GRID1: variants seen among roughly 807,000 people sequenced by gnomAD.
GRID1 encodes the protein glutamate ionotropic receptor delta type subunit 1.
GRID1 carries 28 observed loss-of-function variants against 98.0 expected under a neutral mutation model. That is an observed-to-expected ratio of 0.29 (90% CI 0.21 to 0.39). GRID1 has a LOEUF of 0.39. Among genes scored for constraint, GRID1 ranks in the 10% least tolerant of loss-of-function variants. The pLI is 1.00. For synonymous variants in GRID1, 553 were observed against 538.5 expected (o/e 1.03, Z -0.37); for missense variants, 1,111 against 1,340.5 (o/e 0.83, Z 2.67).
chr10:85,774,128 T>G (rs1212184485), intron 8 of GRID1, among the ~76,000 whole-genome samples: 1 of 152,122 alleles, frequency 6.6e-6, no homozygotes, highest in South Asian at 2.1e-4. Context: ...AAAACAGAGA[T>G]AGCGATCAAT....
Position 86,336,018 on chromosome 10 carries a change from G to A in GRID1, c.235+27923C>T, listed in dbSNP as rs576630377. On this transcript the variant is annotated intron_variant, in intron 2 of 15. Coordinates refer to ENST00000327946, the MANE Select transcript of GRID1 (RefSeq NM_017551.3). ...ATGGGGCCTAACCAGCCAGTGAAGG[G>A]GCAGGAATCCAGGAGTCACATGAAC... Among the ~76,000 whole-genome samples the A allele has an allele frequency of 1.5e-3, 236 of 152,326 alleles. 1 individual carries two copies. Among genetic ancestry groups the A allele is most frequent in the Admixed American group, 2.2e-3 (33 of 15,304 alleles).
At chr10:86,349,503 G>T (rs1245717035) in intron 2 of GRID1, among the ~76,000 whole-genome samples, 1 of 152,194 alleles carries the variant, frequency 6.6e-6, no homozygotes, top group Admixed American at 6.5e-5. Flanking sequence ...CATCTCCAGC[G>T]TGGTTCTCCC....
chr10:86,001,106 T>C (rs1199829549), intron 4 of GRID1, among the ~76,000 whole-genome samples: 1 of 152,216 alleles, frequency 6.6e-6, no homozygotes, highest in African/African-American at 2.4e-5. Flanking sequence ...GGCTACATAC[T>C]GCTTGCTTCT....
At chr10:85,855,062 A>G (rs1230414802) in intron 7 of GRID1, among the ~76,000 whole-genome samples, 2 of 152,232 alleles carry the variant, frequency 1.3e-5, no homozygotes, top group East Asian at 3.9e-4. Flanking sequence ...GGCAGCAAAC[A>G]TGTGCATTGG....
Position 85,814,801 on chromosome 10 carries a change from A to G in GRID1, c.1233+39695T>C, listed in dbSNP as rs140434561. ...TAAATTTGTAGTTAAAAACCTTTCA[A>G]AAGGCCCTTATAGTTTCACTGATGG... On this transcript the variant is annotated intron_variant, in intron 8 of 15. Transcript: ENST00000327946. Among the ~76,000 whole-genome samples, 7 of 152,120 alleles carry G rather than the reference A, an allele frequency of 4.6e-5. No homozygotes were observed. In the East Asian group the frequency reaches 1.2e-3, roughly 25 times the overall value.
At chr10:86,270,929 A>G (rs1847176094) in intron 2 of GRID1, among the ~76,000 whole-genome samples, 1 of 152,200 alleles carries the variant, frequency 6.6e-6, no homozygotes, top group Admixed American at 6.5e-5. Context: ...TTTCTTCCCA[A>G]GGTGACACAG....
intron 8 of GRID1, among the ~76,000 whole-genome samples, chr10:85,806,157 A>G (rs1564596125): frequency 6.6e-6 from 1 of 152,098 alleles, no homozygotes; most frequent in Non-Finnish European, 1.5e-5. Context: ...TGGGCAAAAG[A>G]TTTGAATAGA....
At chr10:85,775,385 G>T (rs1381596043) in intron 8 of GRID1, among the ~76,000 whole-genome samples, 1 of 151,858 alleles carries the variant, frequency 6.6e-6, no homozygotes, top group Non-Finnish European at 1.5e-5. Context: ...TAAATGATGA[G>T]TTAATGGGTG....
rs112214487 is a variant in GRID1, at chr10:86,352,520, C to T, written c.235+11421G>A. 8.0e-3 allele frequency among the ~76,000 whole-genome samples: 1,115 copies of T among 139,668 alleles called. 18 individuals are homozygous for T. Among genetic ancestry groups the T allele is most frequent in the African/African-American group, 0.032 (1,051 of 32,924 alleles). The allele number at this position is 139,668 out of a possible 152,430, so 91.6% of individuals were successfully genotyped here. On this transcript the variant is annotated intron_variant, in intron 2 of 15. Transcript: ENST00000327946. ...GTCTTCCTGGCTTGCAGATGGCTGC[C>T]TTCTTGCTGCATCCTCACACAGCAG...
chr10:85,727,265 C>G (rs561234859), intron 10 of GRID1, among the ~76,000 whole-genome samples: 8 of 152,194 alleles, frequency 5.3e-5, no homozygotes, highest in African/African-American at 1.9e-4. Flanking sequence ...GAGTCAGATG[C>G]CACCATGATA....
intron 8 of GRID1, among the ~76,000 whole-genome samples, chr10:85,829,070 G>C (rs1475890783): frequency 6.6e-6 from 1 of 152,086 alleles, no homozygotes; most frequent in Non-Finnish European, 1.5e-5. Context: ...CAAAATACTA[G>C]CAAACTGAAT....
At chr10:85,677,936 C>T (rs1590186306) in intron 12 of GRID1, among the ~76,000 whole-genome samples, 1 of 152,096 alleles carries the variant, frequency 6.6e-6, no homozygotes, top group Non-Finnish European at 1.5e-5. Flanking sequence ...GACATGGTGC[C>T]AGAAACGCCC....
intron 12 of GRID1, among the ~76,000 whole-genome samples, chr10:85,657,601 T>C (rs1189278207): frequency 6.6e-6 from 1 of 152,202 alleles, no homozygotes; most frequent in Non-Finnish European, 1.5e-5. Context: ...AGGACAACTG[T>C]GAGTCAATCA....
At chr10:86,319,923 A>C (rs1489231409) in intron 2 of GRID1, among the ~76,000 whole-genome samples, 1 of 152,246 alleles carries the variant, frequency 6.6e-6, no homozygotes, top group Non-Finnish European at 1.5e-5. Flanking sequence ...CCTCGGTGAC[A>C]GCAGCAGCAG....
intron 6 of GRID1, among the ~76,000 whole-genome samples, chr10:85,860,302 C>T (rs550179724): frequency 2.0e-5 from 3 of 152,320 alleles, no homozygotes; most frequent in East Asian, 3.9e-4. Context: ...AGGAACACTG[C>T]AGCATAAAAT....
At chr10:86,153,741 C>G (rs902192690) in intron 3 of GRID1, among the ~76,000 whole-genome samples, 1 of 152,162 alleles carries the variant, frequency 6.6e-6, no homozygotes, top group African/African-American at 2.4e-5. Context: ...CCAAAACATG[C>G]CTGCTAAGCC....
chr10:86,343,582 C>T (rs1423139979), intron 2 of GRID1, among the ~76,000 whole-genome samples: 2 of 152,182 alleles, frequency 1.3e-5, no homozygotes, highest in African/African-American at 4.8e-5. Context: ...AGAACATAAG[C>T]CATTGTTGGC....
chr10:85,609,331 T>A (rs1419336603), intron 15 of GRID1, among the ~76,000 whole-genome samples: 1 of 152,188 alleles, frequency 6.6e-6, no homozygotes, highest in Non-Finnish European at 1.5e-5. Context: ...CCAGGACCTT[T>A]GGATAGAGTA....
chr10:86,160,816 G>T (rs959486399), intron 3 of GRID1, among the ~76,000 whole-genome samples: 1 of 151,972 alleles, frequency 6.6e-6, no homozygotes, highest in African/African-American at 2.4e-5. Context: ...GGTCACACAG[G>T]GTATAAGCGG....
Sources: allele counts gnomAD v4.1 joint callset (sites outside exome capture counted in the v4.1 genomes callset), GRCh38; gene constraint gnomAD v4.1.1; transcripts MANE v1.5; gene names NCBI Gene and HGNC (gene_info 2026-07-23, HGNC 2026-07-21).